ESR1: variants seen among roughly 807,000 people sequenced by gnomAD.
ESR1 encodes the protein estrogen receptor 1.
ESR1 carries 12 observed loss-of-function variants against 52.7 expected under a neutral mutation model. The ratio of observed to expected loss-of-function variants is 0.23; its 90% confidence interval spans 0.15 to 0.37. ESR1 has a LOEUF of 0.37. Among genes scored for constraint, ESR1 ranks in the 10% least tolerant of loss-of-function variants. The pLI, the probability that ESR1 is intolerant of heterozygous loss-of-function variation, is 1.00. For missense variants in ESR1, 584 were observed against 779.7 expected (o/e 0.75, Z 2.99); for synonymous variants, 305 against 316.8 (o/e 0.96, Z 0.39).
intron 1 of ESR1, among the ~76,000 whole-genome samples, chr6:151,663,051 T>G (rs1421135833): frequency 7.1e-6 from 1 of 141,256 alleles, no homozygotes; most frequent in Non-Finnish European, 1.6e-5. Context: ...ATGGAGGGCT[T>G]GAGCTGGTTT....
intron 1 of ESR1, among the ~76,000 whole-genome samples, chr6:151,670,637 G>A (rs1778017691): frequency 6.6e-6 from 1 of 152,196 alleles, no homozygotes; most frequent in African/African-American, 2.4e-5. Context: ...AGACTGGAGT[G>A]CAGTGGCACG....
intron 2 of ESR1, among the ~76,000 whole-genome samples, chr6:151,720,144 A>G (rs1436035361): frequency 6.6e-6 from 1 of 152,192 alleles, no homozygotes; most frequent in East Asian, 1.9e-4. Flanking sequence ...TAAGTTGCTA[A>G]TATTCTATAT....
At chr6:151,861,184 A>T (rs887461776) in intron 2 of ESR1, among the ~76,000 whole-genome samples, 5 of 152,124 alleles carry the variant, frequency 3.3e-5, no homozygotes, top group African/African-American at 1.2e-4. Context: ...TGCATTTTCC[A>T]TTCAGCCTGC....
chr6:151,723,696 C>T lies in ESR1; in HGVS notation c.-71+21691C>T, dbSNP rs111880086. Among the ~76,000 whole-genome samples, 398 of 152,252 alleles carry T rather than the reference C, an allele frequency of 2.6e-3. 1 individual carries two copies. The highest frequency in any genetic ancestry group is 8.9e-3 in the African/African-American group (371 of 41,564). ...CCAGTCTGGCCAATACGGTGAAACC[C>T]TGTCTCTACTAAAAATACAAAAATT... is the stretch of plus-strand genomic sequence containing the variant. On this transcript the variant is annotated intron_variant, in intron 2 of 2. Coordinates refer to the ESR1 transcript ENST00000404742.
At chr6:151,661,469 C>A (rs1777636160) in intron 1 of ESR1, among the ~76,000 whole-genome samples, 1 of 152,338 alleles carries the variant, frequency 6.6e-6, no homozygotes, top group Non-Finnish European at 1.5e-5. Flanking sequence ...CGCACAGGTT[C>A]CACAAGCCCT....
chr6:151,672,214 A>T (rs1778087873), intron 1 of ESR1, among the ~76,000 whole-genome samples: 1 of 152,070 alleles, frequency 6.6e-6, no homozygotes, highest in Non-Finnish European at 1.5e-5. Context: ...ATCATTTCAC[A>T]TTGTATGTGT....
intron 2 of ESR1, among the ~76,000 whole-genome samples, chr6:151,862,915 A>G (rs1374094846): frequency 6.6e-6 from 1 of 152,162 alleles, no homozygotes; most frequent in African/African-American, 2.4e-5. Flanking sequence ...GTCGGCTTGA[A>G]ATTTTTAAAG....
chr6:152,117,447 C>T (rs981811789), intron 6 of ESR1, among the ~76,000 whole-genome samples: 2 of 152,164 alleles, frequency 1.3e-5, no homozygotes, highest in Non-Finnish European at 2.9e-5. Flanking sequence ...CGAGGCTTAC[C>T]CAGGACTTTC....
intron 2 of ESR1, among the ~76,000 whole-genome samples, chr6:151,771,346 C>T (rs1027742582): frequency 3.9e-5 from 6 of 152,190 alleles, no homozygotes; most frequent in African/African-American, 7.2e-5. Context: ...GAAAATCCCC[C>T]ACCTTTGTCC....
At chr6:152,033,689 G>A (rs2044971827) in intron 5 of ESR1, among the ~76,000 whole-genome samples, 2 of 152,186 alleles carry the variant, frequency 1.3e-5, no homozygotes, top group Non-Finnish European at 2.9e-5. Context: ...CTTTTACACT[G>A]TTGGTGGGAC....
At chr6:151,728,172 C>A (rs547638546) in intron 2 of ESR1, among the ~76,000 whole-genome samples, 9 of 152,208 alleles carry the variant, frequency 5.9e-5, no homozygotes, top group Middle Eastern at 6.8e-3. Flanking sequence ...TGGCAGGGGA[C>A]CTTAGCTCTG....
chr6:151,737,317 T>C (rs1782754419), intron 2 of ESR1, among the ~76,000 whole-genome samples: 1 of 152,202 alleles, frequency 6.6e-6, no homozygotes, highest in African/African-American at 2.4e-5. Context: ...GATGCACATT[T>C]GAAGCCTCTT....
At chr6:151,983,761 A>C (rs1318358476) in intron 4 of ESR1, among the ~76,000 whole-genome samples, 1 of 151,956 alleles carries the variant, frequency 6.6e-6, no homozygotes, top group Admixed American at 6.5e-5. Context: ...TCCTGCCTTT[A>C]GCTCTTTTAC....
At chr6:151,929,751 C>T (rs1048797940) in intron 3 of ESR1, among the ~76,000 whole-genome samples, 1 of 152,036 alleles carries the variant, frequency 6.6e-6, no homozygotes, top group Non-Finnish European at 1.5e-5. Context: ...TTTTTGTAGA[C>T]AACATATAGT....
intron 2 of ESR1, among the ~76,000 whole-genome samples, chr6:151,844,285 C>G (rs1013387631): frequency 1.3e-5 from 2 of 151,916 alleles, no homozygotes; most frequent in Non-Finnish European, 1.5e-5. Flanking sequence ...GTTTTGACAA[C>G]TCTCTTAATT....
rs1444966090 is a variant in ESR1 at position 152,038,936 on chromosome 6, G to A, written c.1236-22055G>A. ...TCCACCCACCTTGACCTCCCAGGTT[G>A]TAAGCCACTAAATCTTATGTCACAT... On this transcript the variant is annotated intron_variant, in intron 5 of 7. Transcript: ENST00000206249. 3.9e-5 allele frequency among the ~76,000 whole-genome samples: 6 copies of A among 152,270 alleles called. No homozygotes were observed. In the South Asian group the frequency reaches 1.0e-3, roughly 26 times the overall value.
chr6:152,125,755 C>T (rs75999342), exon 7 of ESR1: 1,710 of 159,216 alleles, frequency 0.011, 67 homozygotes, highest in East Asian at 0.099. Flanking sequence ...ATTGATAGTA[C>T]AATCTGACAG....
In ESR1 at chr6:151,908,768, G is replaced by GA. The variant is rs200978794; in HGVS notation, c.760+28007dup. 2.3e-3 allele frequency among the ~76,000 whole-genome samples: 334 copies of GA among 146,924 alleles called. 1 individual carries two copies. The highest frequency in any genetic ancestry group is 3.4e-3 in the Middle Eastern group (1 of 290). ...TCATGAAATCTTTCTAAACAATTGA[G>GA]AAAAAAAAAACTGTTCTGAAACAAA... On this transcript the variant is annotated intron_variant, in intron 3 of 7. Transcript: ENST00000206249.
intron 2 of ESR1, among the ~76,000 whole-genome samples, chr6:151,775,607 G>C (rs894462056): frequency 6.6e-6 from 1 of 152,062 alleles, no homozygotes; most frequent in Non-Finnish European, 1.5e-5. Context: ...AATTAGCTGT[G>C]CCGTGGCGGG....
Sources: allele counts gnomAD v4.1 joint callset (sites outside exome capture counted in the v4.1 genomes callset), GRCh38; gene constraint gnomAD v4.1.1; transcripts MANE v1.5; gene names NCBI Gene and HGNC (gene_info 2026-07-23, HGNC 2026-07-21).